KNOP1: variants seen among roughly 807,000 people sequenced by gnomAD.
KNOP1 encodes lysine rich nucleolar protein 1.
Under a neutral mutation model 30.6 loss-of-function variants are expected in KNOP1, and 20 were observed. The observed-to-expected ratio is 0.65, with a 90% CI of 0.46 to 0.95. The LOEUF (loss-of-function observed/expected upper bound fraction) is 0.95, where lower values mean the gene tolerates loss of function less well. Ranked by LOEUF, KNOP1 falls within the 40% of genes least tolerant of loss-of-function variation. KNOP1 has a pLI of 0.00. For synonymous variants in KNOP1, 204 were observed against 210.0 expected, an observed-to-expected ratio of 0.97 and a Z score of 0.25; for missense variants, 540 against 562.0, an observed-to-expected ratio of 0.96 and a Z score of 0.40.
intron 1 of KNOP1, 76 bp downstream of exon 1, chr16:19,718,082 T>A: frequency 7.0e-7 from 1 of 1,425,536 alleles, no homozygotes; most frequent in Admixed American, 2.9e-5. Context: ...TTTCCCCATC[T>A]TCCCCGCCGC....
chr16:19,716,000 C>T (rs936535325), intron 1 of KNOP1, among the ~76,000 whole-genome samples: 1 of 152,164 alleles, frequency 6.6e-6, no homozygotes, highest in African/African-American at 2.4e-5. Context: ...GGAAAAACTT[C>T]TCCATCCTGC....
rs1976382172 is a variant in KNOP1 at position 19,706,900 on chromosome 16, ACT to A, written c.*8_*9del. On this transcript the variant is annotated 3_prime_UTR_variant, in exon 5 of 5. Coordinates refer to ENST00000219837, the MANE Select transcript of KNOP1 (RefSeq NM_001012991.3). The stretch of plus-strand genomic sequence containing the variant: ...ATTGTGGCAGTTTTGGGGGGACAAA[ACT>A]CTAGAGTTTAATCTTCCAGCTTGAC... 1.9e-6 allele frequency: 3 copies of A among 1,610,568 alleles called. No homozygotes were observed. Among genetic ancestry groups the A allele is most frequent in the Admixed American group, 1.7e-5 (1 of 59,484 alleles).
intron 2 of KNOP1, 89 bp from the exon 3 acceptor site, chr16:19,711,529 G>A (rs1258839409): frequency 1.5e-6 from 2 of 1,291,638 alleles, no homozygotes; most frequent in African/African-American, 1.5e-5. Context: ...CCATGACAAA[G>A]TCCAGAAAAG....
At chr16:19,709,450 C>T (rs1436964716) in intron 4 of KNOP1, among the ~76,000 whole-genome samples, 4 of 152,212 alleles carry the variant, frequency 2.6e-5, no homozygotes, top group East Asian at 1.9e-4. Flanking sequence ...CCTCAGGCTG[C>T]GGCCTGCAGG....
At position 19,704,991 on chromosome 16, in the gene KNOP1, A is replaced by G. The variant is rs1976301204; in HGVS notation, c.*1919T>C. On this transcript the variant is annotated 3_prime_UTR_variant, in exon 5 of 5. Transcript: ENST00000219837. ...CATCCACTCTTCTTGACTGAAGGGA[A>G]TCACCAGCCTTCCCATGACAGGGGC... The G allele has an allele frequency of 2.8e-6, 1 of 356,748 alleles. No individual in the cohort carries two copies. The highest frequency in any genetic ancestry group is 2.2e-5 in the South Asian group (1 of 46,090). 22.1% of individuals were successfully genotyped at this position (356,748 alleles called of 1,614,324 possible). A position where few individuals can be genotyped will look rare whatever the true frequency, so the allele number is the denominator to read the frequency against.
intron 4 of KNOP1, among the ~76,000 whole-genome samples, chr16:19,709,603 C>T (rs976274598): frequency 9.2e-5 from 14 of 152,216 alleles, no homozygotes; most frequent in African/African-American, 2.9e-4. Flanking sequence ...TCATTCCAGC[C>T]GCAGTGCCGC....
chr16:19,707,297 A>T, intron 4 of KNOP1, 76 bp from the exon 5 acceptor site: 1 of 1,242,740 alleles, frequency 8.0e-7, no homozygotes, highest in Non-Finnish European at 1.1e-6. Context: ...CACCCTCATC[A>T]GGGAGGGCCC....
chr16:19,707,474 T>C (rs1256903930), intron 4 of KNOP1, among the ~76,000 whole-genome samples: 2 of 151,978 alleles, frequency 1.3e-5, no homozygotes, highest in Non-Finnish European at 2.9e-5. Context: ...ACCTAACTAG[T>C]GACCCCCAGA....
In KNOP1 at chr16:19,704,676, A is replaced by G. The variant is rs1976291034; in HGVS notation, c.*2234T>C. Reference sequence around the variant, plus strand: ...AAGGTCAGGAGGGATTTGTTTCTCCATCAAAGGAGGAGGTGCCCAGAAGGC... The same window carrying G: ...AAGGTCAGGAGGGATTTGTTTCTCCGTCAAAGGAGGAGGTGCCCAGAAGGC... On this transcript the variant is annotated 3_prime_UTR_variant, in exon 5 of 5. Coordinates refer to ENST00000219837, the MANE Select transcript of KNOP1 (RefSeq NM_001012991.3). 6.5e-6 allele frequency: 1 copy of G among 154,132 alleles called. No individual in the cohort carries two copies. 9.5% of individuals were successfully genotyped at this position (154,132 alleles called of 1,614,324 possible). A position where few individuals can be genotyped will look rare whatever the true frequency, so the allele number is the denominator to read the frequency against.
chr16:19,714,287 A>G lies in KNOP1; in HGVS notation c.749T>C (p.Val250Ala), dbSNP rs1976872777. ...TATGGGGATGTATTCCGGAGCCTCA[A>G]CTTTGACTGGCTTCTTTTTACTTCC... ...RKGSKKKPVK[V>A]EAPEYIPISD... is the part of the protein sequence containing the mutation. Residue 250 changes from valine (V) to alanine (A), a missense_variant, in exon 2 of 5, where the codon GTT becomes GCT. Val to Ala is a moderately conservative substitution (Grantham distance 64). Coordinates refer to ENST00000219837, the MANE Select transcript of KNOP1 (RefSeq NM_001012991.3). The G allele has an allele frequency of 1.2e-6, 2 of 1,614,072 alleles. No individual in the cohort carries two copies. The highest frequency in any genetic ancestry group is 2.2e-5 in the East Asian group (1 of 44,900).
rs1976930916 is a variant in KNOP1, at chr16:19,714,851, G to A, written c.185C>T (p.Pro62Leu). The A allele has an allele frequency of 1.2e-6, 2 of 1,613,736 alleles. No homozygotes were observed. Among genetic ancestry groups the A allele is most frequent in the East Asian group, 2.2e-5 (1 of 44,882 alleles). ...SVAHGQAPEMPLVKKKKKKKK... is the reference protein window; with the variant it reads ...SVAHGQAPEMLLVKKKKKKKK... The stretch of plus-strand genomic sequence containing the variant: ...TTTCTTCTTCTTTTTCTTCACTAGA[G>A]GCATCTCAGGTGCCTGCCCATGGGC... Residue 62 changes from proline to leucine, a missense_variant, in exon 2 of 5, where the codon CCT becomes CTT. By Grantham distance (98) the Pro-to-Leu change is moderately conservative (BLOSUM62 -3). Coordinates refer to ENST00000219837, the MANE Select transcript of KNOP1 (RefSeq NM_001012991.3).
intron 2 of KNOP1, among the ~76,000 whole-genome samples, chr16:19,713,504 G>A (rs1022236632): frequency 1.3e-5 from 2 of 152,180 alleles, no homozygotes; most frequent in Admixed American, 1.3e-4. Flanking sequence ...TTCCTTTGGG[G>A]GTGGCTGAAC....
chr16:19,714,644 GT>G lies in KNOP1; in HGVS notation c.391del (p.Thr131ProfsTer82), dbSNP rs780571889. On this transcript the variant is annotated frameshift_variant, in exon 2 of 5. Coordinates refer to ENST00000219837, the MANE Select transcript of KNOP1 (RefSeq NM_001012991.3). LOFTEE classifies it high-confidence loss of function. The part of the protein sequence containing the change: ...LAMSHASGVK[T>X]SPDPRQGEEE... ...CTCACCCTGTCTAGGGTCTGGGGAG[GT>G]TTTCACCCCAGAGGCATGGGACATG... 5.0e-6 allele frequency: 8 copies of G among 1,613,942 alleles called. No individual in the cohort carries two copies. Among genetic ancestry groups the G allele is most frequent in the African/African-American group, 4.0e-5 (3 of 74,868 alleles).
intron 1 of KNOP1, among the ~76,000 whole-genome samples, chr16:19,716,694 G>C (rs957229697): frequency 6.6e-6 from 1 of 152,182 alleles, no homozygotes; most frequent in East Asian, 1.9e-4. Context: ...CCAGGTTTCC[G>C]TTACCCCTGG....
At position 19,705,136 on chromosome 16, in the gene KNOP1, A is replaced by C. The variant is rs532950543; in HGVS notation, c.*1774T>G. The C allele has an allele frequency of 2.2e-6, 1 of 455,956 alleles. No individual in the cohort carries two copies. Among genetic ancestry groups the C allele is most frequent in the Non-Finnish European group, 4.4e-6 (1 of 226,730 alleles). 28.2% of individuals were successfully genotyped at this position (455,956 alleles called of 1,614,324 possible). On this transcript the variant is annotated 3_prime_UTR_variant, in exon 5 of 5. Coordinates refer to ENST00000219837, the MANE Select transcript of KNOP1 (RefSeq NM_001012991.3). ...TCTAGGGTCTTGATATGCTGCCTGG[A>C]ACTGTTACTGCCATCTTTGTACTAG...
chr16:19,711,871 G>C (rs1375171633), intron 2 of KNOP1: 1 of 186,438 alleles, frequency 5.4e-6, no homozygotes, highest in Non-Finnish European at 1.1e-5. Flanking sequence ...ACCCGCCTTG[G>C]CCCTGAAGAC....
chr16:19,708,448 C>T (rs1976535534), intron 4 of KNOP1, among the ~76,000 whole-genome samples: 1 of 147,442 alleles, frequency 6.8e-6, no homozygotes, highest in African/African-American at 2.6e-5. Context: ...CCTAACCTCT[C>T]TAAGCCTTGG....
At position 19,705,963 on chromosome 16, in the gene KNOP1, C is replaced by G. The variant is rs1431069750; in HGVS notation, c.*947G>C. On this transcript the variant is annotated 3_prime_UTR_variant, in exon 5 of 5. Transcript: ENST00000219837. ...GGACTAACCACTCTTCCTAAAATGCCTTGTTCAGAATCCAGTCAAAGCACA... is the reference window on the plus strand; with the variant it reads ...GGACTAACCACTCTTCCTAAAATGCGTTGTTCAGAATCCAGTCAAAGCACA... 8 of 152,270 alleles carry G rather than the reference C, an allele frequency of 5.3e-5. No homozygotes were observed. Among genetic ancestry groups the G allele is most frequent in the African/African-American group, 1.7e-4 (7 of 41,442 alleles). The allele number at this position is 152,270 out of a possible 1,614,324, so 9.4% of individuals were successfully genotyped here. A position where few individuals can be genotyped will look rare whatever the true frequency, so the allele number is the denominator to read the frequency against.
chr16:19,715,660 A>G (rs1300753634), intron 1 of KNOP1, among the ~76,000 whole-genome samples: 2 of 151,744 alleles, frequency 1.3e-5, no homozygotes, highest in Non-Finnish European at 2.9e-5. Flanking sequence ...ACCTCAAGTG[A>G]TCCGCCCGCC....
Sources: gnomAD v4.1 joint callset for allele counts (sites outside exome capture counted in the v4.1 genomes callset) on GRCh38, gnomAD v4.1.1 for gene constraint, MANE v1.5 for transcripts, NCBI Gene and HGNC (gene_info 2026-07-23, HGNC 2026-07-21) for gene names.